MED25: variants seen among roughly 807,000 people sequenced by gnomAD.
MED25 encodes mediator of RNA polymerase II transcription subunit 25.
Under a neutral mutation model 89.4 loss-of-function variants are expected in MED25, and 62 were observed. That is an observed-to-expected ratio of 0.69 (90% confidence interval 0.57 to 0.86). The LOEUF (loss-of-function observed/expected upper bound fraction) is 0.86. MED25 is among the 40% of genes least tolerant of loss of function. MED25 has a pLI of 0.00. For missense variants in MED25, 905 were observed against 1,005.2 expected, an observed-to-expected ratio of 0.90 and a Z score of 1.35; for synonymous variants, 449 against 427.9, an observed-to-expected ratio of 1.05 and a Z score of -0.61.
intron 2 of MED25, 164 bp downstream of exon 2, chr19:49,818,780 C>G: frequency 1.4e-6 from 1 of 722,422 alleles, no homozygotes. Flanking sequence ...GGGGCCTGGA[C>G]TCCTGGGTCT....
Position 49,829,480 on chromosome 19 carries a change from T to C in MED25, c.526-306T>C, listed in dbSNP as rs1394323966. ...CTTTAGTAGAGATGAGGTTTCACCA[T>C]GTTGGCCAGACTGCTCTCAAACTCC... On this transcript the variant is annotated intron_variant, in intron 5 of 17. Coordinates refer to ENST00000312865, the MANE Select transcript of MED25 (RefSeq NM_030973.4). The surrounding 1 kb of genome is among the most constrained non-coding windows in gnomAD (Gnocchi z 4.6). 6.6e-6 allele frequency among the ~76,000 whole-genome samples: 1 copy of C among 152,192 alleles called. No homozygotes were observed. The highest frequency in any genetic ancestry group is 1.5e-5 in the Non-Finnish European group (1 of 68,024).
rs1285737449 is a variant in MED25 at position 49,818,952 on chromosome 19, T to A, written c.181-220T>A. On this transcript the variant is annotated intron_variant, in intron 2 of 17. Transcript: ENST00000312865. The stretch of plus-strand genomic sequence containing the variant: ...TTCCTGGGTCTGAGGGAGGAGGTGC[T>A]GGGGCCTGGGCTCCTGGGTCTGAGG... 3 of 449,982 alleles carry A rather than the reference T, an allele frequency of 6.7e-6. No individual in the cohort carries two copies. The African/African-American group carries it at 1.0e-4, about 15-fold the overall frequency. 27.9% of individuals were successfully genotyped at this position (449,982 alleles called of 1,614,324 possible). A position where few individuals can be genotyped will look rare whatever the true frequency, so the allele number is the denominator to read the frequency against.
rs1424757300 is a variant in MED25 at position 49,835,472 on chromosome 19, C to A, written c.1675-62C>A. 2.7e-6 allele frequency: 4 copies of A among 1,463,946 alleles called. No homozygotes were observed. The highest frequency in any genetic ancestry group is 2.7e-6 in the Non-Finnish European group (3 of 1,091,866). The allele number at this position is 1,463,946 out of a possible 1,614,324, so 90.7% of individuals were successfully genotyped here. On this transcript the variant is annotated intron_variant, in intron 14 of 17. Transcript: ENST00000312865. This position sits in a 1 kb window ranked among gnomAD's most constrained non-coding sequence, Gnocchi z 6.2. The stretch of plus-strand genomic sequence containing the variant: ...AGTTCCCCTCAGGGCACAGGCCCTC[C>A]CGCCTCAGATTCAGGATGCCACCAC...
At position 49,836,386 on chromosome 19, in the gene MED25, C is replaced by G; in HGVS notation, c.2126C>G (p.Pro709Arg). The G allele has an allele frequency of 6.2e-7, 1 of 1,600,412 alleles. No homozygotes were observed. Among genetic ancestry groups the G allele is most frequent in the Non-Finnish European group, 8.5e-7 (1 of 1,173,706 alleles). ...PPAQSWPAQLPPRAPLPGQML... is the reference protein window; with the variant it reads ...PPAQSWPAQLRPRAPLPGQML... Reference sequence around the variant, plus strand: ...GCCCAGTCCTGGCCCGCACAACTTCCCCCTCGGGCTCCACTGCCAGGTAAG... The same window carrying G: ...GCCCAGTCCTGGCCCGCACAACTTCGCCCTCGGGCTCCACTGCCAGGTAAG... The change falls in exon 17 of 18, where the codon CCC becomes CGC. Residue 709 changes from proline to arginine, a missense_variant. By Grantham distance (103) the Pro-to-Arg change is moderately radical (BLOSUM62 -2). Coordinates refer to ENST00000312865, the MANE Select transcript of MED25 (RefSeq NM_030973.4). This position sits in a 1 kb window ranked among gnomAD's most constrained non-coding sequence, Gnocchi z 5.1.
intron 3 of MED25, among the ~76,000 whole-genome samples, chr19:49,821,945 A>G (rs1477045756): frequency 6.6e-6 from 1 of 151,200 alleles, no homozygotes; most frequent in East Asian, 2.0e-4. Context: ...CCTGGCCAAC[A>G]TGGTGAAACC....
rs2074089063 is a variant in MED25 at position 49,835,515 on chromosome 19, C to T, written c.1675-19C>T. 4 of 1,533,608 alleles carry T rather than the reference C, an allele frequency of 2.6e-6. No individual in the cohort carries two copies. The highest frequency in any genetic ancestry group is 4.9e-5 in the East Asian group (2 of 41,088). On this transcript the variant is annotated intron_variant, in intron 14 of 17. Transcript: ENST00000312865. The surrounding 1 kb of genome is among the most constrained non-coding windows in gnomAD (Gnocchi z 6.2). ...GCCACCACCCTCAGTTACTGACCTG[C>T]CCCTCTCTCCCCGTGCAGATGGGGG...
chr19:49,827,741 A>G (rs1485284272), intron 3 of MED25, among the ~76,000 whole-genome samples: 1 of 152,150 alleles, frequency 6.6e-6, no homozygotes, highest in East Asian at 1.9e-4. Context: ...GACTAGGAGG[A>G]CAGAGGAGGC....
At chr19:49,826,835 C>T (rs1161392014) in intron 3 of MED25, among the ~76,000 whole-genome samples, 1 of 152,108 alleles carries the variant, frequency 6.6e-6, no homozygotes, top group Non-Finnish European at 1.5e-5. Context: ...TGGGCTTTGT[C>T]AGTTGAGAGG....
Position 49,835,587 on chromosome 19 carries a change from C to T in MED25, c.1728C>T (p.Ala576=). The T allele has an allele frequency of 6.4e-7, 1 of 1,563,728 alleles. No homozygotes were observed. The change falls in exon 15 of 18, where the codon GCC becomes GCT. Residue 576 remains alanine (A), a synonymous_variant. Transcript: ENST00000312865. This position sits in a 1 kb window ranked among gnomAD's most constrained non-coding sequence, Gnocchi z 6.2. ...PGLGPILEDQ[A]RPSQNLLQLR... ...TGGGGCCCATTCTGGAGGACCAAGCCAGGCCCTCACAGAATCTGGTGAGGA... is the reference window on the plus strand; with the variant it reads ...TGGGGCCCATTCTGGAGGACCAAGCTAGGCCCTCACAGAATCTGGTGAGGA...
At chr19:49,820,739 T>A (rs1182524437) in intron 3 of MED25, among the ~76,000 whole-genome samples, 2 of 152,236 alleles carry the variant, frequency 1.3e-5, no homozygotes, top group East Asian at 3.8e-4. Flanking sequence ...TCTTTTTAAT[T>A]TTTTTTCTTT....
rs543307737 is a variant in MED25 at position 49,836,784 on chromosome 19, TCTGGGCCCTC to T, written c.2147-54_2147-45del. The T allele has an allele frequency of 7.5e-3, 9,773 of 1,307,072 alleles. 37 individuals are homozygous for T. Among genetic ancestry groups the T allele is most frequent in the Non-Finnish European group, 9.9e-3 (9,000 of 913,286 alleles). 81.0% of individuals were successfully genotyped at this position (1,307,072 alleles called of 1,614,324 possible). ...AGGGCTGCCTAGAAAACTTAGTGCC[TCTGGGCCCTC>T]CTGGGCCCAAGGGCCTACTGGGAGA... is the stretch of plus-strand genomic sequence containing the variant. On this transcript the variant is annotated intron_variant, in intron 17 of 17. Coordinates refer to ENST00000312865, the MANE Select transcript of MED25 (RefSeq NM_030973.4). The surrounding 1 kb of genome is among the most constrained non-coding windows in gnomAD (Gnocchi z 5.1).
chr19:49,819,765 A>T (rs1600314010), intron 3 of MED25: 2 of 311,554 alleles, frequency 6.4e-6, no homozygotes, highest in East Asian at 8.9e-5. Flanking sequence ...GGTACATTGT[A>T]GCCTCAGTGC....
At chr19:49,819,418 G>A (rs1057377604) in intron 3 of MED25, 122 bp downstream of exon 3, 5 of 1,100,164 alleles carry the variant, frequency 4.5e-6, no homozygotes, top group Admixed American at 2.1e-5. Context: ...TGGGGTGGTT[G>A]GTGTCCCCGT....
intron 3 of MED25, among the ~76,000 whole-genome samples, chr19:49,824,817 T>C (rs1432619686): frequency 6.6e-6 from 1 of 152,088 alleles, no homozygotes; most frequent in Non-Finnish European, 1.5e-5. Flanking sequence ...CCCTTGGTCA[T>C]GGCCGGATGC....
At position 49,818,405 on chromosome 19, in the gene MED25, A is replaced by G; in HGVS notation, c.64A>G (p.Ile22Val). 1 of 1,613,732 alleles carries G rather than the reference A, an allele frequency of 6.2e-7. No homozygotes were observed. The highest frequency in any genetic ancestry group is 1.1e-5 in the South Asian group (1 of 91,074). ...CGTGGTGGCCGACGTGGTGTTTGTG[A>G]TTGAGGGTACGGCCAACCTGGGACC... ...GSVVADVVFV[I>V]EGTANLGPYF... The change falls in exon 1 of 18, where the codon ATT (isoleucine) becomes GTT (valine). Residue 22 changes from isoleucine to valine, a missense_variant. By Grantham distance (29) the Ile-to-Val change is conservative. Around this residue, in one of 3 missense-constraint regions of MED25, gnomAD observed 501 missense variants for 526.9 expected, o/e 0.95. Transcript: ENST00000312865.
chr19:49,825,276 T>A (rs2074008608), intron 3 of MED25, among the ~76,000 whole-genome samples: 1 of 151,482 alleles, frequency 6.6e-6, no homozygotes, highest in Non-Finnish European at 1.5e-5. Flanking sequence ...TGAGATGGAG[T>A]CTCTCTCTCT....
chr19:49,829,896 T>C lies in MED25; in HGVS notation c.636T>C (p.Asp212=). The C allele has an allele frequency of 1.2e-6, 2 of 1,613,416 alleles. No homozygotes were observed. The highest frequency in any genetic ancestry group is 1.3e-5 in the African/African-American group (1 of 75,022). The change falls in exon 6 of 18, where the codon GAT becomes GAC. Residue 212 remains aspartate, a synonymous_variant. Transcript: ENST00000312865. The surrounding 1 kb of genome is among the most constrained non-coding windows in gnomAD (Gnocchi z 4.6). ...TGGAGCCGCTGCAGCCTCCGACAGA[T>C]GTGAGCCAGGACCCGAGGCACATGG... is the stretch of plus-strand genomic sequence containing the variant. ...ALLEPLQPPT[D]VSQDPRHMVL...
Position 49,830,908 on chromosome 19 carries a change from T to C in MED25, c.1101+21T>C, listed in dbSNP as rs775937846. The C allele has an allele frequency of 6.2e-7, 1 of 1,603,598 alleles. No individual in the cohort carries two copies. Among genetic ancestry groups the C allele is most frequent in the African/African-American group, 1.3e-5 (1 of 74,872 alleles). ...CCATGGTAGGTGCCTGCACGCCTCC[T>C]GCCCCTGCTCCTTCCTCCTGCTGTC... On this transcript the variant is annotated intron_variant, in intron 9 of 17. Coordinates refer to ENST00000312865, the MANE Select transcript of MED25 (RefSeq NM_030973.4). The surrounding 1 kb of genome is among the most constrained non-coding windows in gnomAD (Gnocchi z 4.6).
chr19:49,836,867 G>A lies in MED25; in HGVS notation c.2167G>A (p.Gly723Ser). The change falls in exon 18 of 18, where the codon GGT becomes AGT. Residue 723 changes from glycine to serine, a missense_variant. Physicochemically the swap from Gly to Ser is moderately conservative, Grantham distance 56. This residue lies in a region of MED25 where 271 missense variants were observed against 258.1 expected (regional missense o/e 1.05). Coordinates refer to ENST00000312865, the MANE Select transcript of MED25 (RefSeq NM_030973.4). This position sits in a 1 kb window ranked among gnomAD's most constrained non-coding sequence, Gnocchi z 5.1. The stretch of plus-strand genomic sequence containing the variant: ...CTCAGGTCAGATGCTGCTGAGCGGG[G>A]GTCCCCGGGGCCCGGTCCCCCAGCC... ...PLPGQMLLSGGPRGPVPQPGL... is the reference protein window; with the variant it reads ...PLPGQMLLSGSPRGPVPQPGL... 1 of 1,611,766 alleles carries A rather than the reference G, an allele frequency of 6.2e-7. No individual in the cohort carries two copies. Among genetic ancestry groups the A allele is most frequent in the Non-Finnish European group, 8.5e-7 (1 of 1,179,430 alleles).
Sources: gnomAD v4.1 joint callset for allele counts (sites outside exome capture counted in the v4.1 genomes callset) on GRCh38, gnomAD v4.1.1 for gene constraint, gnomAD v4.1.1 regional missense constraint, Gnocchi (gnomAD v3.1) non-coding constraint, MANE v1.5 for transcripts, NCBI Gene and HGNC (gene_info 2026-07-23, HGNC 2026-07-21) for gene names.